CEP63: variants seen among roughly 807,000 people sequenced by gnomAD.
CEP63 encodes centrosomal protein of 63 kDa.
In CEP63, 84 loss-of-function variants were observed where a neutral mutation model predicts 89.1. The ratio of observed to expected loss-of-function variants is 0.94; its 90% confidence interval spans 0.79 to 1.13. The LOEUF (loss-of-function observed/expected upper bound fraction) is 1.13, where lower values mean the gene tolerates loss of function less well. Ranked by LOEUF, CEP63 falls within the 50% of genes most tolerant of loss-of-function variation. The pLI is 0.00. For missense variants in CEP63, 838 were observed against 813.3 expected, an observed-to-expected ratio of 1.03 and a Z score of -0.37; for synonymous variants, 267 against 272.5, an observed-to-expected ratio of 0.98 and a Z score of 0.20.
chr3:134,724,618 A>G, the CEP63 span, among the ~76,000 whole-genome samples: 7 of 152,256 alleles, frequency 4.6e-5, no homozygotes, highest in East Asian at 9.6e-4. Flanking sequence ...TATTAGGCAT[A>G]TAAAATCGTA....
the CEP63 span, among the ~76,000 whole-genome samples, chr3:134,710,461 A>G: frequency 6.6e-6 from 1 of 152,168 alleles, no homozygotes; most frequent in Non-Finnish European, 1.5e-5. Flanking sequence ...ATCTCTTGGA[A>G]CAAGCGAAAA....
the CEP63 span, among the ~76,000 whole-genome samples, chr3:134,635,484 G>A: frequency 8.1e-5 from 8 of 98,868 alleles, no homozygotes; most frequent in Admixed American, 7.6e-4. Flanking sequence ...ACAACAGAGC[G>A]AGACTCTGTA....
the CEP63 span, among the ~76,000 whole-genome samples, chr3:134,702,059 A>G: frequency 2.0e-5 from 3 of 152,182 alleles, no homozygotes; most frequent in Admixed American, 1.3e-4. Context: ...TAGCATTCCT[A>G]GACACCAACA....
intron 10 of CEP63, among the ~76,000 whole-genome samples, chr3:134,586,505 AT>A (rs1958488896): frequency 6.6e-6 from 1 of 152,190 alleles, no homozygotes; most frequent in African/African-American, 2.4e-5. Flanking sequence ...TTCTTTAAGA[AT>A]GTTGAATATT....
chr3:134,552,925 T>G (rs1577346708), intron 12 of CEP63: 1 of 152,076 alleles, frequency 6.6e-6, no homozygotes, highest in Non-Finnish European at 1.5e-5. Flanking sequence ...GTAGCAAGGA[T>G]AAGAAATGCA....
the CEP63 span, chr3:134,604,193 AG>A: frequency 6.2e-7 from 1 of 1,612,044 alleles, no homozygotes; most frequent in Non-Finnish European, 8.5e-7. Flanking sequence ...ATCTGCTCCG[AG>A]AACCAGCTGG....
chr3:134,677,400 C>T, the CEP63 span, among the ~76,000 whole-genome samples: 1 of 152,198 alleles, frequency 6.6e-6, no homozygotes, highest in Non-Finnish European at 1.5e-5. Context: ...GGGTCCTGCC[C>T]CACACTGCGC....
chr3:134,577,024 T>G (rs971904542), downstream of CEP63, among the ~76,000 whole-genome samples: 1 of 152,180 alleles, frequency 6.6e-6, no homozygotes, highest in African/African-American at 2.4e-5. Flanking sequence ...ACACTAGTGT[T>G]GGCGTAGTAA....
the CEP63 span, among the ~76,000 whole-genome samples, chr3:134,743,117 C>T: frequency 1.3e-5 from 2 of 152,202 alleles, no homozygotes; most frequent in Admixed American, 1.3e-4. Flanking sequence ...ATGGGGCATG[C>T]ATGGATAAGA....
chr3:134,517,671 A>C (rs1307037932), intron 3 of CEP63, among the ~76,000 whole-genome samples: 1 of 152,238 alleles, frequency 6.6e-6, no homozygotes, highest in South Asian at 2.1e-4. Context: ...GAAAATCTGC[A>C]TACATTTGGA....
chr3:134,697,032 C>T, the CEP63 span, among the ~76,000 whole-genome samples: 1 of 152,194 alleles, frequency 6.6e-6, no homozygotes, highest in Non-Finnish European at 1.5e-5. Flanking sequence ...AGCCCTTCTT[C>T]AAGGAGCTTT....
chr3:134,656,186 G>A, the CEP63 span, among the ~76,000 whole-genome samples: 2 of 152,120 alleles, frequency 1.3e-5, no homozygotes, highest in Non-Finnish European at 2.9e-5. Flanking sequence ...AGAGAGGAGG[G>A]GCCAGGAAGG....
In CEP63 at chr3:134,551,965, C is replaced by G; in HGVS notation, c.1420C>G (p.Arg474Gly). ...GCTGGAGTCACTCAAATTAGAAAAT[C>G]GTCATCTTTCTGAAATGGTGATGAA... ...DQLESLKLENRHLSEMVMKLE... is the reference protein window; with the variant it reads ...DQLESLKLENGHLSEMVMKLE... The change falls in exon 12 of 15, where the codon CGT (arginine) becomes GGT (glycine). Residue 474 changes from arginine (R) to glycine (G), a missense_variant. Transcript: ENST00000675561. The G allele has an allele frequency of 1.9e-6, 3 of 1,608,564 alleles. No individual in the cohort carries two copies. The highest frequency in any genetic ancestry group is 2.5e-6 in the Non-Finnish European group (3 of 1,176,808).
At chr3:134,736,861 A>C in the CEP63 span, among the ~76,000 whole-genome samples, 2 of 152,174 alleles carry the variant, frequency 1.3e-5, no homozygotes, top group African/African-American at 4.8e-5. Context: ...AGTCAAGCTG[A>C]TTTTGAGGAA....
the CEP63 span, among the ~76,000 whole-genome samples, chr3:134,611,668 C>T: frequency 3.5e-3 from 527 of 152,372 alleles, 1 homozygote; most frequent in African/African-American, 0.012. Context: ...CAGTCCCCAA[C>T]TCAGTGGTGA....
At chr3:134,565,839 C>T (rs546575771), downstream of CEP63, among the ~76,000 whole-genome samples, 14 of 151,744 alleles carry the variant, frequency 9.2e-5, no homozygotes, top group African/African-American at 2.4e-4. Flanking sequence ...TTTGAATAAG[C>T]GTTTTGTAAA....
chr3:134,610,914 G>A, the CEP63 span, among the ~76,000 whole-genome samples: 2 of 152,214 alleles, frequency 1.3e-5, no homozygotes, highest in African/African-American at 4.8e-5. Context: ...TGAGGGTACA[G>A]AAGCCAAGCC....
rs564888044 is a variant in CEP63, at chr3:134,486,217, G to T, written c.-26+15G>T. 4.0e-5 allele frequency: 39 copies of T among 985,626 alleles called. No homozygotes were observed. In the African/African-American group the frequency reaches 6.1e-4, roughly 15 times the overall value. 61.1% of individuals were successfully genotyped at this position (985,626 alleles called of 1,614,324 possible). The stretch of plus-strand genomic sequence containing the variant: ...GCCGGCCCGAGGTAACGGCGGGAAG[G>T]CTCAGGGGCGTGCTTGCGGCAACCC... On this transcript the variant is annotated intron_variant, in intron 1 of 14. Transcript: ENST00000675561.
intron 3 of CEP63, among the ~76,000 whole-genome samples, chr3:134,514,669 A>G (rs1408268404): frequency 6.6e-6 from 1 of 152,228 alleles, no homozygotes; most frequent in South Asian, 2.1e-4. Context: ...TTTTTCCTCT[A>G]CCAAACGAGA....
Sources: allele counts gnomAD v4.1 joint callset (sites outside exome capture counted in the v4.1 genomes callset), GRCh38; gene constraint gnomAD v4.1.1; transcripts MANE v1.5; gene names NCBI Gene and HGNC (gene_info 2026-07-23, HGNC 2026-07-21).